LSAMP: variants seen among roughly 807,000 people sequenced by gnomAD.
The protein encoded by LSAMP is limbic system-associated membrane protein.
LSAMP carries 7 observed loss-of-function variants against 38.6 expected under a neutral mutation model. The ratio of observed to expected loss-of-function variants is 0.18; its 90% confidence interval spans 0.10 to 0.34. The LOEUF (loss-of-function observed/expected upper bound fraction) is 0.34, where lower values mean the gene tolerates loss of function less well. Among genes scored for constraint, LSAMP ranks in the 10% least tolerant of loss-of-function variants. The probability of loss-of-function intolerance (pLI) is 1.00; values close to 1 mark genes in which losing one functional copy is unlikely to be tolerated. For missense variants in LSAMP, 313 were observed against 420.0 expected (o/e 0.75, Z 2.23); for synonymous variants, 154 against 166.8 (o/e 0.92, Z 0.59).
chr3:115,807,480 A>T lies in LSAMP; in HGVS notation c.*2837T>A, dbSNP rs568628241. ...TGCTGACATGGCAGACATTTATTTC[A>T]ATGGAGAAGTTCCTCCCATGAAACC... On this transcript the variant is annotated 3_prime_UTR_variant, in exon 7 of 7. Coordinates refer to ENST00000490035, the MANE Select transcript of LSAMP (RefSeq NM_002338.5). 1 of 152,320 alleles carries T rather than the reference A, an allele frequency of 6.6e-6. No homozygotes were observed. The highest frequency in any genetic ancestry group is 6.5e-5 in the Admixed American group (1 of 15,294). The allele number at this position is 152,320 out of a possible 1,614,324, so 9.4% of individuals were successfully genotyped here.
At chr3:116,002,740 C>A (rs1157440479) in intron 3 of LSAMP, among the ~76,000 whole-genome samples, 1 of 152,072 alleles carries the variant, frequency 6.6e-6, no homozygotes, top group African/African-American at 2.4e-5. Context: ...TCTCTGCTAA[C>A]CTTTTGCCCT....
chr3:116,192,051 A>G (rs1292701964), intron 1 of LSAMP, among the ~76,000 whole-genome samples: 2 of 152,204 alleles, frequency 1.3e-5, no homozygotes, highest in South Asian at 2.1e-4. Flanking sequence ...ACATAACCTA[A>G]CCTAATAATC....
At chr3:116,189,873 T>C (rs867463890) in intron 1 of LSAMP, among the ~76,000 whole-genome samples, 3 of 152,064 alleles carry the variant, frequency 2.0e-5, no homozygotes, top group Non-Finnish European at 4.4e-5. Flanking sequence ...CATTTTGTAG[T>C]TTAAAAATAC....
intron 1 of LSAMP, among the ~76,000 whole-genome samples, chr3:116,162,738 GTA>G (rs1709927143): frequency 6.9e-6 from 1 of 144,254 alleles, no homozygotes; most frequent in Non-Finnish European, 1.5e-5. Flanking sequence ...GAGTGTGTGT[GTA>G]TATATACATA....
At chr3:116,121,705 G>C (rs1708879683) in intron 1 of LSAMP, among the ~76,000 whole-genome samples, 1 of 152,070 alleles carries the variant, frequency 6.6e-6, no homozygotes, top group African/African-American at 2.4e-5. Flanking sequence ...ATAGATAAAG[G>C]ATTCACCTAA....
At position 115,852,594 on chromosome 3, in the gene LSAMP, C is replaced by A. The variant is rs756083721; in HGVS notation, c.538G>T (p.Glu180Ter). Reference protein sequence around the residue: ...PTGREFEGEEEYLEILGITRE... With the variant: ...PTGREFEGEE ...GTGATGCCAAGGATCTCCAGATATT[C>A]TTCTTCTCCTTCAAATTCCCTTCCT... The change falls in exon 4 of 7, where the codon GAA (glutamate) becomes TAA (stop). Residue 180 changes from glutamate to a stop codon, truncating the protein, a stop_gained. Transcript: ENST00000490035. LOFTEE classifies it high-confidence loss of function. 6.2e-7 allele frequency: 1 copy of A among 1,611,916 alleles called. No individual in the cohort carries two copies. The highest frequency in any genetic ancestry group is 2.2e-5 in the East Asian group (1 of 44,744).
chr3:116,149,781 G>C (rs1709571778), intron 1 of LSAMP, among the ~76,000 whole-genome samples: 1 of 151,858 alleles, frequency 6.6e-6, no homozygotes, highest in African/African-American at 2.4e-5. Context: ...TTTTTTGATG[G>C]AGCTCTTGAA....
intron 1 of LSAMP, among the ~76,000 whole-genome samples, chr3:116,261,848 TTATAA>T (rs1209509224): frequency 2.0e-5 from 3 of 149,180 alleles, no homozygotes; most frequent in African/African-American, 7.3e-5. Flanking sequence ...ATATATGTTA[TTATAA>T]TATAAAATAT....
At chr3:116,415,757 T>TAGCA in intron 1 of LSAMP, among the ~76,000 whole-genome samples, 1 of 152,224 alleles carries the variant, frequency 6.6e-6, no homozygotes, top group Admixed American at 6.6e-5. Flanking sequence ...GTAATGCTGC[T>TAGCA]GATATTGAAT....
intron 1 of LSAMP, among the ~76,000 whole-genome samples, chr3:116,168,192 T>A (rs1710106944): frequency 6.6e-6 from 1 of 152,214 alleles, no homozygotes; most frequent in Admixed American, 6.5e-5. Context: ...TGTGTTTGAT[T>A]TGGGAAAGAT....
chr3:115,932,512 C>A (rs1337157402), intron 3 of LSAMP, among the ~76,000 whole-genome samples: 1 of 152,116 alleles, frequency 6.6e-6, no homozygotes, highest in South Asian at 2.1e-4. Flanking sequence ...AAGGTGGATT[C>A]CAGAATCACA....
At chr3:116,156,519 G>A (rs144839258) in intron 1 of LSAMP, among the ~76,000 whole-genome samples, 1 of 152,114 alleles carries the variant, frequency 6.6e-6, no homozygotes, top group Admixed American at 6.6e-5. Flanking sequence ...CAGAAAGTGT[G>A]ATGTGATGGT....
chr3:116,131,712 G>T lies in LSAMP; in HGVS notation c.156-45156C>A, dbSNP rs1709138685. ...CTTCCTCGTTGCTTAGGCTCTTTAA[G>T]TCAAGTTTTCTGTATCTTGTAGCCA... On this transcript the variant is annotated intron_variant, in intron 1 of 6. Coordinates refer to ENST00000490035, the MANE Select transcript of LSAMP (RefSeq NM_002338.5). 2.6e-5 allele frequency among the ~76,000 whole-genome samples: 4 copies of T among 152,158 alleles called. No individual in the cohort carries two copies. In the South Asian group the frequency reaches 8.3e-4, roughly 32 times the overall value.
At chr3:116,234,692 C>T (rs2046444261) in intron 1 of LSAMP, among the ~76,000 whole-genome samples, 1 of 152,010 alleles carries the variant, frequency 6.6e-6, no homozygotes, top group African/African-American at 2.4e-5. Flanking sequence ...TGAAATGCAT[C>T]TTTTCTTCTC....
chr3:115,839,050 C>G (rs1559844439), intron 6 of LSAMP, among the ~76,000 whole-genome samples: 1 of 152,140 alleles, frequency 6.6e-6, no homozygotes, highest in South Asian at 2.1e-4. Context: ...AGGGCCGTGG[C>G]CACAGACACC....
intron 1 of LSAMP, among the ~76,000 whole-genome samples, chr3:116,301,717 A>G (rs114002339): frequency 0.011 from 1,731 of 152,288 alleles, 29 homozygotes; most frequent in African/African-American, 0.039. Context: ...ATGGGAAATT[A>G]AGGCTTCAGA....
At chr3:116,252,057 C>A (rs1224057138) in intron 1 of LSAMP, among the ~76,000 whole-genome samples, 1 of 152,160 alleles carries the variant, frequency 6.6e-6, no homozygotes, top group Non-Finnish European at 1.5e-5. Context: ...CTTGTGTCAG[C>A]TCTCGTTAGG....
At chr3:116,270,167 T>TGAAACATGTCCTAATAAGTATGTC (rs2046952639) in intron 1 of LSAMP, among the ~76,000 whole-genome samples, 1 of 152,144 alleles carries the variant, frequency 6.6e-6, no homozygotes, top group African/African-American at 2.4e-5. Flanking sequence ...GATTTTTATA[T>TGAAACATGTCCTAATAAGTATGTC]GAAACATGTC....
Position 116,176,384 on chromosome 3 carries a change from G to A in LSAMP, c.156-89828C>T, listed in dbSNP as rs573730755. ...ACAATTCCATATTTAAAACTGGAAC[G>A]CAAAGGACCATTGCCAAAGATTATT... On this transcript the variant is annotated intron_variant, in intron 1 of 6. Transcript: ENST00000490035. Among the ~76,000 whole-genome samples the A allele has an allele frequency of 2.0e-4, 31 of 152,198 alleles. 1 individual carries two copies. The highest frequency in any genetic ancestry group is 4.1e-4 in the Non-Finnish European group (28 of 67,986).
Sources: gnomAD v4.1 joint callset for allele counts (sites outside exome capture counted in the v4.1 genomes callset) on GRCh38, gnomAD v4.1.1 for gene constraint, MANE v1.5 for transcripts, NCBI Gene and HGNC (gene_info 2026-07-23, HGNC 2026-07-21) for gene names.